UTP4: variants seen among roughly 807,000 people sequenced by gnomAD.
UTP4 encodes UTP4 small subunit processome component, also known as U3 small nucleolar RNA-associated protein 4 homolog.
In UTP4, 45 loss-of-function variants were observed where a neutral mutation model predicts 82.4. That is an observed-to-expected ratio of 0.55 (90% CI 0.43 to 0.70). The LOEUF is 0.70. Ranked by LOEUF, UTP4 falls within the 30% of genes least tolerant of loss-of-function variation. UTP4 has a pLI of 0.00. For synonymous variants in UTP4, 348 were observed against 300.3 expected, an observed-to-expected ratio of 1.16 and a Z score of -1.64; for missense variants, 819 against 858.3, an observed-to-expected ratio of 0.95 and a Z score of 0.57.
chr16:69,168,378 G>A (rs1024568597), intron 16 of UTP4, among the ~76,000 whole-genome samples: 5 of 147,710 alleles, frequency 3.4e-5, no homozygotes, highest in East Asian at 2.0e-4. Flanking sequence ...GGAGCTTGCC[G>A]TGAGCCGAGA....
At chr16:69,164,931 C>T (rs1168420049) in intron 14 of UTP4, among the ~76,000 whole-genome samples, 1 of 152,164 alleles carries the variant, frequency 6.6e-6, no homozygotes, top group Admixed American at 6.6e-5. Flanking sequence ...CGCGGTGGCT[C>T]ACGCCTGTAA....
intron 2 of UTP4, 35 bp from the exon 3 acceptor site, chr16:69,136,661 T>C (rs760649290): frequency 6.2e-7 from 1 of 1,609,936 alleles, no homozygotes; most frequent in South Asian, 1.1e-5. Flanking sequence ...CTGATGAATT[T>C]GTGGTAATGT....
chr16:69,144,262 C>T (rs1440303750), intron 6 of UTP4, among the ~76,000 whole-genome samples: 1 of 151,694 alleles, frequency 6.6e-6, no homozygotes, highest in Admixed American at 6.6e-5. Context: ...AGTGCAGTGG[C>T]ACAATCTTGG....
Position 69,165,538 on chromosome 16 carries a change from A to G in UTP4, c.1833+12A>G. The G allele has an allele frequency of 6.2e-7, 1 of 1,608,334 alleles. No homozygotes were observed. Among genetic ancestry groups the G allele is most frequent in the East Asian group, 2.2e-5 (1 of 44,870 alleles). Reference sequence around the variant, plus strand: ...TTGACAAGTCATTGGTGAGTTCTTCACTGCTACCTCCCAAATCTTCTTCTG... The same window carrying G: ...TTGACAAGTCATTGGTGAGTTCTTCGCTGCTACCTCCCAAATCTTCTTCTG... On this transcript the variant is annotated intron_variant, in intron 15 of 16. Coordinates refer to ENST00000314423, the MANE Select transcript of UTP4 (RefSeq NM_032830.3).
At chr16:69,144,114 C>T (rs946643863) in intron 6 of UTP4, among the ~76,000 whole-genome samples, 3 of 152,074 alleles carry the variant, frequency 2.0e-5, no homozygotes, top group Non-Finnish European at 4.4e-5. Context: ...TCTCGAACTC[C>T]TGACCTCAGG....
rs1444304229 is a variant in UTP4, at chr16:69,139,722, A to G, written c.437-103A>G. ...AAGGAGTACTATAGATGAGAGAGCT[A>G]AGATTGTAGAACACTCTAGAGATAG... On this transcript the variant is annotated intron_variant, in intron 4 of 16. Coordinates refer to ENST00000314423, the MANE Select transcript of UTP4 (RefSeq NM_032830.3). 7 of 770,774 alleles carry G rather than the reference A, an allele frequency of 9.1e-6. No individual in the cohort carries two copies. The East Asian group carries it at 1.5e-4, about 17-fold the overall frequency. The allele number at this position is 770,774 out of a possible 1,614,324, so 47.7% of individuals were successfully genotyped here. A position where few individuals can be genotyped will look rare whatever the true frequency, so the allele number is the denominator to read the frequency against.
intron 6 of UTP4, among the ~76,000 whole-genome samples, chr16:69,149,855 A>C (rs900463888): frequency 6.6e-6 from 1 of 151,892 alleles, no homozygotes; most frequent in Non-Finnish European, 1.5e-5. Context: ...CAGCCGTCCA[A>C]ATAGTTGGGA....
Position 69,132,674 on chromosome 16 carries a change from G to A in UTP4, c.-18G>A. On this transcript the variant is annotated 5_prime_UTR_variant, in exon 1 of 17. Coordinates refer to ENST00000314423, the MANE Select transcript of UTP4 (RefSeq NM_032830.3). ...GGAGAGAGGCGAGCACCGGGAAGGG[G>A]AGCGTGGGGCCGCTGGTGAGTTGGG... is the stretch of plus-strand genomic sequence containing the variant. 1 of 342,630 alleles carries A rather than the reference G, an allele frequency of 2.9e-6. No individual in the cohort carries two copies. Among genetic ancestry groups the A allele is most frequent in the Non-Finnish European group, 5.7e-6 (1 of 176,352 alleles). The allele number at this position is 342,630 out of a possible 1,614,324, so 21.2% of individuals were successfully genotyped here.
chr16:69,167,253 A>G (rs533031351), intron 16 of UTP4, 68 bp downstream of exon 16: 1 of 1,054,240 alleles, frequency 9.5e-7, no homozygotes, highest in South Asian at 1.3e-5. Context: ...AATAAACTCC[A>G]CAATCGGAAG....
At chr16:69,148,131 AT>A (rs886134427) in intron 6 of UTP4, among the ~76,000 whole-genome samples, 21 of 147,202 alleles carry the variant, frequency 1.4e-4, no homozygotes, top group Middle Eastern at 3.5e-3. Context: ...AATTTTTTGT[AT>A]TTTTTTTTTC....
chr16:69,135,303 C>G (rs1021554475), intron 2 of UTP4, among the ~76,000 whole-genome samples: 3 of 152,032 alleles, frequency 2.0e-5, no homozygotes, highest in African/African-American at 7.2e-5. Context: ...TTTCTTTATT[C>G]TTCAACAATT....
chr16:69,137,729 T>G (rs749667961), intron 3 of UTP4, 72 bp from the exon 4 acceptor site: 53 of 622,418 alleles, frequency 8.5e-5, no homozygotes, highest in South Asian at 6.2e-4. Flanking sequence ...TGTTGGGGGG[T>G]GTGTGTGTGT....
rs767249507 is a variant in UTP4, at chr16:69,167,078, C to T, written c.1837C>T (p.Leu613Phe). The T allele has an allele frequency of 1.9e-6, 3 of 1,611,074 alleles. No individual in the cohort carries two copies. Among genetic ancestry groups the T allele is most frequent in the Non-Finnish European group, 2.5e-6 (3 of 1,177,330 alleles). Residue 613 changes from leucine (L) to phenylalanine (F), a missense_variant, in exon 16 of 17, where the codon CTT becomes TTT. Transcript: ENST00000314423. The stretch of plus-strand genomic sequence containing the variant: ...CAATGTGTCTTTGTTTTTTTAGCCC[C>T]TTCCAAATGACAAAACCTTACTCTA... ...MFCIIDKSLP[L>F]PNDKTLLYNP...
intron 5 of UTP4, among the ~76,000 whole-genome samples, chr16:69,141,628 G>A (rs1455783734): frequency 6.6e-6 from 1 of 151,872 alleles, no homozygotes; most frequent in Non-Finnish European, 1.5e-5. Context: ...CTTCAGTTCT[G>A]GGGGGAAATT....
intron 16 of UTP4, 77 bp from the exon 17 acceptor site, chr16:69,168,744 T>C (rs1963765279): frequency 2.3e-6 from 2 of 885,708 alleles, no homozygotes; most frequent in Admixed American, 1.7e-5. Flanking sequence ...GCTTAGATGG[T>C]GTCTACCTAC....
chr16:69,140,554 A>G (rs1169397758), intron 5 of UTP4, among the ~76,000 whole-genome samples: 1 of 152,100 alleles, frequency 6.6e-6, no homozygotes, highest in East Asian at 1.9e-4. Context: ...TGTCTCTACT[A>G]AAAATACAAA....
chr16:69,164,176 G>T (rs973402722), intron 14 of UTP4, among the ~76,000 whole-genome samples: 2 of 152,000 alleles, frequency 1.3e-5, no homozygotes, highest in East Asian at 1.9e-4. Flanking sequence ...GAGCCACCGC[G>T]CCCGGCTGAT....
chr16:69,154,871 T>G (rs1332414641), intron 10 of UTP4, among the ~76,000 whole-genome samples: 1 of 151,948 alleles, frequency 6.6e-6, no homozygotes, highest in East Asian at 1.9e-4. Flanking sequence ...TGGGATTACA[T>G]GCATGCGCCA....
intron 2 of UTP4, among the ~76,000 whole-genome samples, chr16:69,136,083 C>T (rs1962805578): frequency 6.6e-6 from 1 of 152,214 alleles, no homozygotes; most frequent in Admixed American, 6.5e-5. Context: ...GTAAGGAGAC[C>T]TTCATTTGCC....
Sources: gnomAD v4.1 joint callset for allele counts (sites outside exome capture counted in the v4.1 genomes callset) on GRCh38, gnomAD v4.1.1 for gene constraint, MANE v1.5 for transcripts, NCBI Gene and HGNC (gene_info 2026-07-23, HGNC 2026-07-21) for gene names.